OSBPL8: variants seen among roughly 807,000 people sequenced by gnomAD.
OSBPL8 encodes the protein oxysterol-binding protein-related protein 8.
OSBPL8 carries 59 observed loss-of-function variants against 125.5 expected under a neutral mutation model. The ratio of observed to expected loss-of-function variants is 0.47; its 90% CI spans 0.38 to 0.58. OSBPL8 has a LOEUF of 0.58. Ranked by LOEUF, OSBPL8 falls within the 20% of genes least tolerant of loss-of-function variation. The pLI is 0.00. For synonymous variants in OSBPL8, 330 were observed against 338.9 expected (o/e 0.97, Z 0.29); for missense variants, 758 against 1,047.8 (o/e 0.72, Z 3.82).
intron 12 of OSBPL8, 95 bp from the exon 13 acceptor site, chr12:76,386,755 G>C: frequency 1.3e-6 from 1 of 782,324 alleles, no homozygotes; most frequent in Non-Finnish European, 2.1e-6. Flanking sequence ...AACATGATTG[G>C]AAAACATAAT....
At position 76,355,670 on chromosome 12, in the gene OSBPL8, C is replaced by T. The variant is rs991185141; in HGVS notation, c.*219G>A. 1 of 475,836 alleles carries T rather than the reference C, an allele frequency of 2.1e-6. No individual in the cohort carries two copies. The highest frequency in any genetic ancestry group is 2.0e-5 in the African/African-American group (1 of 49,898). The allele number at this position is 475,836 out of a possible 1,614,324, so 29.5% of individuals were successfully genotyped here. A position where few individuals can be genotyped will look rare whatever the true frequency, so the allele number is the denominator to read the frequency against. On this transcript the variant is annotated 3_prime_UTR_variant, in exon 24 of 24. Transcript: ENST00000261183. The stretch of plus-strand genomic sequence containing the variant: ...ACATTCTCACAAAAGCTAGAAATGT[C>T]CTGGCACTTAACACATAGCTCACTT...
At chr12:76,545,824 A>T (rs940424013) in intron 1 of OSBPL8, among the ~76,000 whole-genome samples, 3 of 152,184 alleles carry the variant, frequency 2.0e-5, no homozygotes, top group Non-Finnish European at 4.4e-5. Context: ...CTACCAAAAA[A>T]TGAGAAACTA....
At chr12:76,400,595 A>AGTATTCTAAAG (rs1954012300) in intron 6 of OSBPL8, among the ~76,000 whole-genome samples, 1 of 152,118 alleles carries the variant, frequency 6.6e-6, no homozygotes, top group Non-Finnish European at 1.5e-5. Flanking sequence ...ATCCTAATCT[A>AGTATTCTAAAG]GTATTCTAAA....
intron 1 of OSBPL8, among the ~76,000 whole-genome samples, chr12:76,539,256 C>T (rs542930982): frequency 6.6e-6 from 1 of 152,180 alleles, no homozygotes; most frequent in South Asian, 2.1e-4. Flanking sequence ...CAATATTCTT[C>T]TCTATGCGTA....
chr12:76,533,382 G>C (rs1950403377), intron 1 of OSBPL8, among the ~76,000 whole-genome samples: 1 of 152,106 alleles, frequency 6.6e-6, no homozygotes, highest in African/African-American at 2.4e-5. Flanking sequence ...CTTCTCTGGA[G>C]CTCCTGCTTC....
At chr12:76,400,006 ACT>A (rs768887019) in intron 6 of OSBPL8, 32 bp from the exon 7 acceptor site, 2 of 1,514,844 alleles carry the variant, frequency 1.3e-6, no homozygotes, top group South Asian at 1.2e-5. Context: ...AAAGATAAAA[ACT>A]CAACAGAAAT....
chr12:76,463,511 G>GA (rs1372330783), intron 2 of OSBPL8, among the ~76,000 whole-genome samples: 4 of 152,112 alleles, frequency 2.6e-5, no homozygotes, highest in Admixed American at 6.5e-5. Flanking sequence ...AGGCTGGTAA[G>GA]AAAAATATAA....
intron 21 of OSBPL8, among the ~76,000 whole-genome samples, chr12:76,359,312 T>C (rs993814809): frequency 2.0e-5 from 3 of 152,178 alleles, no homozygotes; most frequent in African/African-American, 7.2e-5. Flanking sequence ...TTTAATCACA[T>C]CTGGGTAGTA....
intron 2 of OSBPL8, among the ~76,000 whole-genome samples, chr12:76,465,947 A>G (rs1875372282): frequency 6.6e-6 from 1 of 151,912 alleles, no homozygotes; most frequent in Non-Finnish European, 1.5e-5. Context: ...TGAAGGTTGC[A>G]GTAAGCCGAG....
At chr12:76,532,682 T>C (rs1385841028) in intron 1 of OSBPL8, among the ~76,000 whole-genome samples, 1 of 151,720 alleles carries the variant, frequency 6.6e-6, no homozygotes, top group Admixed American at 6.6e-5. Context: ...TATGCAATCT[T>C]GGTACTCCAC....
At chr12:76,530,309 C>T (rs1387391627) in intron 1 of OSBPL8, among the ~76,000 whole-genome samples, 6 of 150,064 alleles carry the variant, frequency 4.0e-5, no homozygotes, top group Non-Finnish European at 7.4e-5. Flanking sequence ...CCTCCCTCCT[C>T]AGCCATCCAA....
At chr12:76,410,978 A>G (rs140337175) in intron 4 of OSBPL8, among the ~76,000 whole-genome samples, 181 of 152,296 alleles carry the variant, frequency 1.2e-3, no homozygotes, top group African/African-American at 4.0e-3. Context: ...TACTTTTCAT[A>G]CCTCTGGTCA....
chr12:76,384,124 A>T (rs1034619772), intron 15 of OSBPL8, 130 bp downstream of exon 15: 3 of 459,404 alleles, frequency 6.5e-6, no homozygotes, highest in Non-Finnish European at 1.2e-5. Flanking sequence ...AAAAGCCATT[A>T]TTCAAGGAAA....
chr12:76,557,164 G>A (rs2137548826), intron 1 of OSBPL8, among the ~76,000 whole-genome samples: 1 of 152,242 alleles, frequency 6.6e-6, no homozygotes, highest in African/African-American at 2.4e-5. Context: ...TAGGATAAAA[G>A]TTTTCCAAAT....
intron 2 of OSBPL8, among the ~76,000 whole-genome samples, chr12:76,460,763 G>A (rs989358224): frequency 6.6e-6 from 1 of 152,150 alleles, no homozygotes; most frequent in Non-Finnish European, 1.5e-5. Flanking sequence ...TAGAAACAGA[G>A]TTCTCAGCTC....
intron 2 of OSBPL8, among the ~76,000 whole-genome samples, chr12:76,481,436 G>T (rs1004444699): frequency 1.3e-5 from 2 of 152,010 alleles, no homozygotes; most frequent in East Asian, 3.9e-4. Context: ...TTACAGCCTG[G>T]GAAACATAGC....
chr12:76,459,913 T>G lies in OSBPL8; in HGVS notation c.43-18A>C. ...CCAAGAAGCTTTTAAGGCAGGGTAA[T>G]TGAGCAGCAAACAAATACAGTCCAA... On this transcript the variant is annotated intron_variant, in intron 2 of 23. Transcript: ENST00000261183. The G allele has an allele frequency of 6.2e-7, 1 of 1,613,388 alleles. No individual in the cohort carries two copies. The highest frequency in any genetic ancestry group is 8.5e-7 in the Non-Finnish European group (1 of 1,179,884).
intron 4 of OSBPL8, among the ~76,000 whole-genome samples, chr12:76,432,407 G>A (rs895703769): frequency 5.3e-5 from 8 of 151,842 alleles, no homozygotes; most frequent in Admixed American, 1.3e-4. Context: ...CAGCGGGACC[G>A]TGTGTCTACA....
intron 4 of OSBPL8, among the ~76,000 whole-genome samples, chr12:76,442,849 T>C (rs1872345146): frequency 6.6e-6 from 1 of 152,188 alleles, no homozygotes; most frequent in Non-Finnish European, 1.5e-5. Flanking sequence ...TCACCTGAGA[T>C]TATACCAGTA....
Sources: allele counts gnomAD v4.1 joint callset (sites outside exome capture counted in the v4.1 genomes callset), GRCh38; gene constraint gnomAD v4.1.1; transcripts MANE v1.5; gene names NCBI Gene and HGNC (gene_info 2026-07-23, HGNC 2026-07-21).